TMEM233: variants seen among roughly 807,000 people sequenced by gnomAD.
The protein encoded by TMEM233 is dispanin subfamily B member 2.
TMEM233 carries 6 observed loss-of-function variants against 11.2 expected under a neutral mutation model. The ratio of observed to expected loss-of-function variants is 0.54; its 90% CI spans 0.29 to 1.06. The LOEUF (loss-of-function observed/expected upper bound fraction) is 1.06. Among genes scored for constraint, TMEM233 ranks in the 50% least tolerant of loss-of-function variants. The probability of loss-of-function intolerance (pLI) is 0.08; values close to 1 mark genes in which losing one functional copy is unlikely to be tolerated. For synonymous variants in TMEM233, 59 were observed against 55.8 expected, an observed-to-expected ratio of 1.06 and a Z score of -0.26; for missense variants, 127 against 144.7, an observed-to-expected ratio of 0.88 and a Z score of 0.63.
At chr12:119,645,717 T>G (rs530215595), downstream of TMEM233, among the ~76,000 whole-genome samples, 1 of 152,324 alleles carries the variant, frequency 6.6e-6, no homozygotes, top group Admixed American at 6.5e-5. Context: ...CAGTCAGACC[T>G]GCAATGACCC....
intron 1 of TMEM233, among the ~76,000 whole-genome samples, chr12:119,601,719 T>C (rs1048434525): frequency 6.6e-6 from 1 of 151,494 alleles, no homozygotes; most frequent in African/African-American, 2.4e-5. Flanking sequence ...GAAAATTATT[T>C]GCAACTTCAA....
At chr12:119,614,323 CT>C (rs1402672318) in intron 1 of TMEM233, among the ~76,000 whole-genome samples, 2 of 151,930 alleles carry the variant, frequency 1.3e-5, no homozygotes, top group Non-Finnish European at 2.9e-5. Context: ...GGGAGAATCG[CT>C]TGAACGTGGG....
At chr12:119,645,323 A>G (rs978215575), downstream of TMEM233, among the ~76,000 whole-genome samples, 10 of 144,120 alleles carry the variant, frequency 6.9e-5, no homozygotes, top group Non-Finnish European at 1.4e-4. Context: ...CAATTACCAA[A>G]AAAAAAAAAA....
intron 1 of TMEM233, among the ~76,000 whole-genome samples, chr12:119,596,608 C>T (rs1309826627): frequency 6.6e-6 from 1 of 151,678 alleles, no homozygotes; most frequent in Non-Finnish European, 1.5e-5. Flanking sequence ...CCTTCCACCC[C>T]AGCCACCCCA....
the TMEM233 span, among the ~76,000 whole-genome samples, chr12:119,648,397 G>C: frequency 6.6e-6 from 1 of 152,186 alleles, no homozygotes; most frequent in Non-Finnish European, 1.5e-5. Flanking sequence ...ATAGCTATTT[G>C]CTGAATGAGT....
At chr12:119,645,680 A>G (rs1023609722), downstream of TMEM233, among the ~76,000 whole-genome samples, 2 of 152,046 alleles carry the variant, frequency 1.3e-5, no homozygotes, top group African/African-American at 4.8e-5. Flanking sequence ...CATCTCGAGT[A>G]CCTGTTCCAA....
rs546679880 is a variant in TMEM233 at position 119,631,363 on chromosome 12, A to C, written c.323+1491A>C. On this transcript the variant is annotated intron_variant, in intron 2 of 2. Transcript: ENST00000426426. ...CAACCTTGGCAACCAAGACAGTAGCAGATGTCATGGTAGATCCACTTCCTA... is the reference window on the plus strand; with the variant it reads ...CAACCTTGGCAACCAAGACAGTAGCCGATGTCATGGTAGATCCACTTCCTA... 13 of 294,012 alleles carry C rather than the reference A, an allele frequency of 4.4e-5. No homozygotes were observed. In the Admixed American group the frequency reaches 5.2e-4, roughly 12 times the overall value. 18.2% of individuals were successfully genotyped at this position (294,012 alleles called of 1,614,324 possible). A position where few individuals can be genotyped will look rare whatever the true frequency, so the allele number is the denominator to read the frequency against.
chr12:119,615,102 C>CCTCT (rs1282141520), intron 1 of TMEM233, among the ~76,000 whole-genome samples: 2 of 147,854 alleles, frequency 1.4e-5, no homozygotes, highest in Non-Finnish European at 3.0e-5. Flanking sequence ...TGCCAGGCAT[C>CCTCT]CTCTCCCCAC....
At chr12:119,617,493 G>A (rs142235106) in intron 1 of TMEM233, among the ~76,000 whole-genome samples, 4 of 152,240 alleles carry the variant, frequency 2.6e-5, no homozygotes, top group East Asian at 1.9e-4. Flanking sequence ...TAAAGAGGAA[G>A]CAGATCATAA....
Position 119,593,798 on chromosome 12 carries a change from A to C in TMEM233, c.-51A>C. On this transcript the variant is annotated 5_prime_UTR_variant, in exon 1 of 3. Transcript: ENST00000426426. The surrounding 1 kb of genome is among the most constrained non-coding windows in gnomAD (Gnocchi z 4.1). ...CACAAGCCGGCGGCCAGAGCCCCAG[A>C]CCACACAGACCGTGCGCTCCTCCGC... is the stretch of plus-strand genomic sequence containing the variant. 3 of 1,528,194 alleles carry C rather than the reference A, an allele frequency of 2.0e-6. No individual in the cohort carries two copies. Among genetic ancestry groups the C allele is most frequent in the Non-Finnish European group, 2.6e-6 (3 of 1,132,456 alleles). 94.7% of individuals were successfully genotyped at this position (1,528,194 alleles called of 1,614,324 possible).
At chr12:119,601,262 T>C (rs1351789361) in intron 1 of TMEM233, among the ~76,000 whole-genome samples, 1 of 152,144 alleles carries the variant, frequency 6.6e-6, no homozygotes, top group Admixed American at 6.5e-5. Flanking sequence ...AAGGGTAAAA[T>C]TTCTCTCCAA....
rs143625041 is a variant in TMEM233, at chr12:119,597,592, G to A, written c.186+3558G>A. ...GGTGCTGGCAAAGAAAACTACTTTG[G>A]AAAAATACACATTCAAGAAGAGTGT... On this transcript the variant is annotated intron_variant, in intron 1 of 2. Coordinates refer to ENST00000426426, the MANE Select transcript of TMEM233 (RefSeq NM_001136534.3). 4.9e-3 allele frequency among the ~76,000 whole-genome samples: 744 copies of A among 152,236 alleles called. 27 individuals are homozygous for A. The highest frequency in any genetic ancestry group is 0.039 in the Admixed American group (595 of 15,284).
chr12:119,637,026 C>G (rs1459426215), intron 2 of TMEM233, among the ~76,000 whole-genome samples: 1 of 152,140 alleles, frequency 6.6e-6, no homozygotes, highest in African/African-American at 2.4e-5. Context: ...GCATCTGTTT[C>G]AACACTGGAA....
the TMEM233 span, among the ~76,000 whole-genome samples, chr12:119,650,025 G>C: frequency 3.3e-5 from 5 of 151,962 alleles, no homozygotes; most frequent in African/African-American, 4.8e-5. Flanking sequence ...GGGCGCGGTG[G>C]CGGGCGCCTG....
At chr12:119,637,752 T>C (rs563514280) in intron 2 of TMEM233, among the ~76,000 whole-genome samples, 3 of 152,258 alleles carry the variant, frequency 2.0e-5, no homozygotes, top group Admixed American at 6.5e-5. Context: ...CCAGCAACAA[T>C]GGAAGAATTT....
At chr12:119,653,391 CAAAA>C in the TMEM233 span, among the ~76,000 whole-genome samples, 10 of 81,426 alleles carry the variant, frequency 1.2e-4, no homozygotes, top group South Asian at 4.7e-4. Context: ...GACGCCACCT[CAAAA>C]AAAAAAAAAA....
intron 2 of TMEM233, among the ~76,000 whole-genome samples, chr12:119,638,135 A>G (rs1165903619): frequency 6.6e-6 from 1 of 152,200 alleles, no homozygotes; most frequent in Non-Finnish European, 1.5e-5. Flanking sequence ...CACCCTAGCT[A>G]CGTGTTAGAA....
the TMEM233 span, among the ~76,000 whole-genome samples, chr12:119,650,386 A>G: frequency 3.1e-3 from 468 of 152,338 alleles, 4 homozygotes; most frequent in African/African-American, 0.011. Flanking sequence ...TTTAAAATCC[A>G]TGATCTTAAT....
intron 2 of TMEM233, among the ~76,000 whole-genome samples, chr12:119,640,005 C>T (rs1955050346): frequency 6.6e-6 from 1 of 152,158 alleles, no homozygotes; most frequent in Non-Finnish European, 1.5e-5. Context: ...TTTCTACATG[C>T]TTATTGATCA....
Sources: allele counts gnomAD v4.1 joint callset (sites outside exome capture counted in the v4.1 genomes callset), GRCh38; gene constraint gnomAD v4.1.1; non-coding constraint Gnocchi (gnomAD v3.1); transcripts MANE v1.5; gene names NCBI Gene and HGNC (gene_info 2026-07-23, HGNC 2026-07-21).